The following RBFOX1 variants were observed in gnomAD, a reference collection of about 807,000 sequenced individuals.
RBFOX1 encodes the protein RNA binding fox-1 homolog 1.
In RBFOX1, 8 loss-of-function variants were observed where a neutral mutation model predicts 57.7. That is an observed-to-expected ratio of 0.14 (90% CI 0.08 to 0.25). RBFOX1 has a LOEUF of 0.25. Among genes scored for constraint, RBFOX1 ranks in the 10% least tolerant of loss-of-function variants. The pLI, the probability that RBFOX1 is intolerant of heterozygous loss-of-function variation, is 1.00. For missense variants in RBFOX1, 611 were observed against 548.5 expected (o/e 1.11, Z -1.14); for synonymous variants, 326 against 222.4 (o/e 1.47, Z -4.15).
At chr16:6,556,138 A>G (rs932379456) in intron 2 of RBFOX1, among the ~76,000 whole-genome samples, 3 of 152,198 alleles carry the variant, frequency 2.0e-5, no homozygotes, top group Admixed American at 6.5e-5. Flanking sequence ...CATGATTCAT[A>G]AAAGACCAGT....
intron 2 of RBFOX1, among the ~76,000 whole-genome samples, chr16:6,576,665 A>AG (rs34622707): frequency 0.39 from 58,815 of 151,890 alleles, 13,274 homozygotes; most frequent in Middle Eastern, 0.54. Flanking sequence ...AGGGTGAGGG[A>AG]GGTGGTGACT....
intron 3 of RBFOX1, among the ~76,000 whole-genome samples, chr16:5,813,553 G>T (rs753068755): frequency 1.3e-5 from 2 of 152,146 alleles, no homozygotes; most frequent in Non-Finnish European, 2.9e-5. Context: ...AAGAAGCCAG[G>T]CATAAAAGGT....
At chr16:7,568,599 T>G (rs1055570637) in intron 5 of RBFOX1, among the ~76,000 whole-genome samples, 7 of 152,010 alleles carry the variant, frequency 4.6e-5, no homozygotes, top group Non-Finnish European at 7.4e-5. Context: ...TAGATTGCCT[T>G]AACTGGCTGG....
intron 2 of RBFOX1, among the ~76,000 whole-genome samples, chr16:6,323,972 C>T (rs965529317): frequency 1.3e-5 from 2 of 152,058 alleles, no homozygotes; most frequent in Admixed American, 6.6e-5. Context: ...AGGGTTTTGC[C>T]ATGTTGGCCA....
chr16:7,451,398 C>G (rs977978199), intron 4 of RBFOX1, among the ~76,000 whole-genome samples: 2 of 152,148 alleles, frequency 1.3e-5, no homozygotes, highest in African/African-American at 4.8e-5. Context: ...CCAAGTATTT[C>G]AACCTGGCAG....
chr16:6,486,737 G>A (rs1050609181), intron 2 of RBFOX1, among the ~76,000 whole-genome samples: 1 of 150,184 alleles, frequency 6.7e-6, no homozygotes, highest in South Asian at 2.1e-4. Flanking sequence ...TCAAATCTTT[G>A]TTTGCATTTA....
intron 1 of RBFOX1, among the ~76,000 whole-genome samples, chr16:6,063,310 C>G (rs1567363588): frequency 6.6e-6 from 1 of 152,034 alleles, no homozygotes; most frequent in Non-Finnish European, 1.5e-5. Flanking sequence ...CCAGGCCAGG[C>G]TACCTTCCTC....
chr16:6,631,408 AT>A (rs534274929), intron 2 of RBFOX1, among the ~76,000 whole-genome samples: 4,851 of 147,632 alleles, frequency 0.033, 258 homozygotes, highest in African/African-American at 0.11. Context: ...TATGAAACAT[AT>A]TTTTTTTTTT....
At chr16:7,057,021 A>G (rs2052532359) in intron 4 of RBFOX1, among the ~76,000 whole-genome samples, 1 of 144,822 alleles carries the variant, frequency 6.9e-6, no homozygotes, top group African/African-American at 2.7e-5. Flanking sequence ...CAACTTCGTT[A>G]AAGCACTGAA....
intron 4 of RBFOX1, among the ~76,000 whole-genome samples, chr16:7,165,884 A>G (rs888955969): frequency 4.6e-5 from 7 of 151,566 alleles, no homozygotes; most frequent in East Asian, 1.9e-4. Context: ...TCTTGAATAG[A>G]TATGTTGGAT....
Position 7,713,210 on chromosome 16 carries a change from C to T in RBFOX1, c.*2465C>T, listed in dbSNP as rs1026040984. 5.3e-5 allele frequency: 8 copies of T among 152,232 alleles called. No homozygotes were observed. Among genetic ancestry groups the T allele is most frequent in the Admixed American group, 3.9e-4 (6 of 15,296 alleles). 9.4% of individuals were successfully genotyped at this position (152,232 alleles called of 1,614,324 possible). Reference sequence around the variant, plus strand: ...TAGTGACTTCTTAACACACACATCACGCAATCTGCAAACCCAGAAAATGTG... The same window carrying T: ...TAGTGACTTCTTAACACACACATCATGCAATCTGCAAACCCAGAAAATGTG... On this transcript the variant is annotated 3_prime_UTR_variant, in exon 16 of 16. Coordinates refer to ENST00000550418, the MANE Select transcript of RBFOX1 (RefSeq NM_018723.4).
intron 3 of RBFOX1, among the ~76,000 whole-genome samples, chr16:6,902,978 ATAGT>A: frequency 6.6e-6 from 1 of 152,324 alleles, no homozygotes; most frequent in East Asian, 1.9e-4. Flanking sequence ...CATAAACAAA[ATAGT>A]TACACATCAG....
At chr16:7,632,962 ATC>A (rs2061220363) in intron 11 of RBFOX1, among the ~76,000 whole-genome samples, 1 of 152,242 alleles carries the variant, frequency 6.6e-6, no homozygotes, top group Non-Finnish European at 1.5e-5. Context: ...TTGGGGAAGC[ATC>A]TCTCACATCA....
At chr16:6,962,674 G>C (rs1202085284) in intron 3 of RBFOX1, among the ~76,000 whole-genome samples, 3 of 152,090 alleles carry the variant, frequency 2.0e-5, no homozygotes, top group Non-Finnish European at 2.9e-5. Context: ...AGACCAGCCT[G>C]AGCAACACAG....
intron 4 of RBFOX1, among the ~76,000 whole-genome samples, chr16:7,213,338 A>G (rs2152801627): frequency 6.6e-6 from 1 of 152,282 alleles, no homozygotes; most frequent in South Asian, 2.1e-4. Context: ...AAACCAATTA[A>G]AGATAATTTT....
At position 5,920,632 on chromosome 16, in the gene RBFOX1, G is replaced by A. The variant is rs567800255; in HGVS notation, c.351+53297G>A. Among the ~76,000 whole-genome samples the A allele has an allele frequency of 1.6e-4, 25 of 152,242 alleles. No individual in the cohort carries two copies. The East Asian group carries it at 4.8e-3, about 29-fold the overall frequency. On this transcript the variant is annotated intron_variant, in intron 4 of 19. Coordinates refer to the RBFOX1 transcript ENST00000641259. ...AGGAGGAAGCACCCTTCCAGGGACGGCCAAAAGACCTTGTCCAAAAGTGGG... is the reference window on the plus strand; with the variant it reads ...AGGAGGAAGCACCCTTCCAGGGACGACCAAAAGACCTTGTCCAAAAGTGGG...
At chr16:6,146,916 T>C (rs1433617303) in intron 1 of RBFOX1, among the ~76,000 whole-genome samples, 1 of 152,152 alleles carries the variant, frequency 6.6e-6, no homozygotes, top group Non-Finnish European at 1.5e-5. Context: ...TTCTGAAGCA[T>C]GGCATCACGT....
chr16:6,710,698 A>G (rs2063560263), intron 3 of RBFOX1, among the ~76,000 whole-genome samples: 1 of 152,230 alleles, frequency 6.6e-6, no homozygotes, highest in African/African-American at 2.4e-5. Flanking sequence ...GAAATTCCCC[A>G]CATCAAGGCC....
intron 2 of RBFOX1, chr16:6,483,157 T>C (rs1057084185): frequency 5.6e-5 from 61 of 1,082,484 alleles, no homozygotes; most frequent in South Asian, 2.4e-4. Flanking sequence ...TGCAAAAACA[T>C]TGGGCGTCTC....
Sources: gnomAD v4.1 joint callset for allele counts (sites outside exome capture counted in the v4.1 genomes callset) on GRCh38, gnomAD v4.1.1 for gene constraint, MANE v1.5 for transcripts, NCBI Gene and HGNC (gene_info 2026-07-23, HGNC 2026-07-21) for gene names.